The following SUPT3H variants were observed in gnomAD, a reference collection of about 807,000 sequenced individuals.
SUPT3H encodes transcription initiation protein SPT3 homolog.
A neutral mutation model predicts 44.3 loss-of-function variants in SUPT3H; 44 were observed. The observed-to-expected ratio is 0.99, with a 90% CI of 0.78 to 1.28. The LOEUF (loss-of-function observed/expected upper bound fraction) is 1.28. SUPT3H is among the 50% of genes most tolerant of loss of function. SUPT3H has a pLI of 0.00. For missense variants in SUPT3H, 380 were observed against 387.1 expected (o/e 0.98, Z 0.15); for synonymous variants, 124 against 125.6 (o/e 0.99, Z 0.09).
At chr6:45,088,900 G>C (rs1257404042) in intron 3 of SUPT3H, among the ~76,000 whole-genome samples, 1 of 151,974 alleles carries the variant, frequency 6.6e-6, no homozygotes, top group Admixed American at 6.6e-5. Context: ...ATTGTTTACA[G>C]GTAGTAAGCA....
chr6:44,897,372 A>G (rs1420104510), intron 10 of SUPT3H, among the ~76,000 whole-genome samples: 1 of 152,226 alleles, frequency 6.6e-6, no homozygotes, highest in Non-Finnish European at 1.5e-5. Context: ...CACTTAAAAT[A>G]TAGTGGGAAA....
chr6:44,847,381 C>T (rs1772049870), intron 10 of SUPT3H, among the ~76,000 whole-genome samples: 2 of 152,202 alleles, frequency 1.3e-5, no homozygotes, highest in African/African-American at 2.4e-5. Flanking sequence ...GAAAACAGCA[C>T]TTACACTTGT....
At chr6:44,997,331 T>C (rs923383098) in intron 6 of SUPT3H, among the ~76,000 whole-genome samples, 1 of 151,854 alleles carries the variant, frequency 6.6e-6, no homozygotes, top group African/African-American at 2.4e-5. Flanking sequence ...CACTCATGTC[T>C]CAGTACATTA....
intron 4 of SUPT3H, among the ~76,000 whole-genome samples, chr6:45,015,791 G>A (rs749142982): frequency 1.3e-4 from 18 of 143,232 alleles, no homozygotes; most frequent in South Asian, 2.2e-4. Context: ...ATGCACACAC[G>A]CGCGCGCACA....
At chr6:44,881,358 C>T (rs543803565) in intron 10 of SUPT3H, among the ~76,000 whole-genome samples, 1 of 152,268 alleles carries the variant, frequency 6.6e-6, no homozygotes, top group African/African-American at 2.4e-5. Flanking sequence ...TATATATGCA[C>T]TCAATACTGG....
intron 2 of SUPT3H, among the ~76,000 whole-genome samples, chr6:45,359,366 CACTT>C (rs1280453614): frequency 2.0e-5 from 3 of 152,198 alleles, no homozygotes; most frequent in African/African-American, 4.8e-5. Context: ...TACATATTCT[CACTT>C]ACATTACAAT....
chr6:44,856,162 G>C (rs1773684647), intron 10 of SUPT3H, among the ~76,000 whole-genome samples: 1 of 152,174 alleles, frequency 6.6e-6, no homozygotes, highest in Admixed American at 6.5e-5. Flanking sequence ...GTTGTCCTTT[G>C]CTTCCCTTGC....
At chr6:45,014,537 C>T (rs1783958253) in intron 5 of SUPT3H, among the ~76,000 whole-genome samples, 1 of 152,094 alleles carries the variant, frequency 6.6e-6, no homozygotes, top group Admixed American at 6.6e-5. Flanking sequence ...TCACTATGTG[C>T]TCCATAAAAA....
At chr6:44,953,085 T>G (rs1413146019) in intron 9 of SUPT3H, among the ~76,000 whole-genome samples, 1 of 152,150 alleles carries the variant, frequency 6.6e-6, no homozygotes, top group Non-Finnish European at 1.5e-5. Flanking sequence ...GAAAGCTAAG[T>G]GAAGCAAGAA....
intron 5 of SUPT3H, among the ~76,000 whole-genome samples, chr6:45,014,249 A>T (rs527749501): frequency 2.6e-4 from 39 of 152,238 alleles, no homozygotes; most frequent in African/African-American, 8.7e-4. Flanking sequence ...ATGAGAGGAC[A>T]TCAAACTAAT....
chr6:45,120,024 G>A (rs1432888403), intron 2 of SUPT3H, among the ~76,000 whole-genome samples: 1 of 151,974 alleles, frequency 6.6e-6, no homozygotes, highest in Non-Finnish European at 1.5e-5. Context: ...TGATTCAAAT[G>A]TCAAAATGAC....
intron 3 of SUPT3H, among the ~76,000 whole-genome samples, chr6:45,063,183 AC>A (rs1318368511): frequency 2.1e-5 from 3 of 143,542 alleles, no homozygotes; most frequent in Non-Finnish European, 4.5e-5. Flanking sequence ...ACTGGGAGGC[AC>A]CCCCCAGCAG....
chr6:45,375,348 T>G (rs1796634540), intron 1 of SUPT3H, among the ~76,000 whole-genome samples: 1 of 152,186 alleles, frequency 6.6e-6, no homozygotes, highest in South Asian at 2.1e-4. Flanking sequence ...AGGGGTTCTA[T>G]TAAATAAAAT....
intron 2 of SUPT3H, among the ~76,000 whole-genome samples, chr6:45,143,898 T>C (rs576969415): frequency 6.6e-6 from 1 of 152,092 alleles, no homozygotes; most frequent in Non-Finnish European, 1.5e-5. Context: ...CAAAAGATCA[T>C]TCAAGGTTAC....
intron 2 of SUPT3H, among the ~76,000 whole-genome samples, chr6:45,233,744 G>C (rs1312086567): frequency 1.3e-5 from 2 of 152,090 alleles, no homozygotes; most frequent in African/African-American, 2.4e-5. Flanking sequence ...CTTCTTTCTG[G>C]AGAGGATGTG....
At chr6:44,901,120 C>T (rs1416945885) in intron 10 of SUPT3H, among the ~76,000 whole-genome samples, 1 of 151,640 alleles carries the variant, frequency 6.6e-6, no homozygotes, top group African/African-American at 2.4e-5. Context: ...GAGCACCTCT[C>T]CTCCTCCAAA....
chr6:45,312,880 T>G (rs1784178086), intron 2 of SUPT3H, among the ~76,000 whole-genome samples: 1 of 152,202 alleles, frequency 6.6e-6, no homozygotes, highest in African/African-American at 2.4e-5. Context: ...ATAGACCATA[T>G]GATAGGCCAT....
intron 2 of SUPT3H, among the ~76,000 whole-genome samples, chr6:45,355,448 G>A (rs1017027237): frequency 6.6e-6 from 1 of 151,782 alleles, no homozygotes; most frequent in African/African-American, 2.4e-5. Flanking sequence ...AAATTTCCAG[G>A]GTTTTTCATT....
At chr6:45,110,272 A>G (rs577912124) in intron 2 of SUPT3H, among the ~76,000 whole-genome samples, 1 of 152,332 alleles carries the variant, frequency 6.6e-6, no homozygotes, top group South Asian at 2.1e-4. Context: ...GCACAGTGAA[A>G]GTATGAAACA....
Sources: gnomAD v4.1 joint callset for allele counts (sites outside exome capture counted in the v4.1 genomes callset) on GRCh38, gnomAD v4.1.1 for gene constraint, MANE v1.5 for transcripts, NCBI Gene and HGNC (gene_info 2026-07-23, HGNC 2026-07-21) for gene names.